The following PDE11A variants were observed in gnomAD, a reference collection of about 807,000 sequenced individuals.
PDE11A encodes dual 3',5'-cyclic-AMP and -GMP phosphodiesterase 11A.
A neutral mutation model predicts 100.5 loss-of-function variants in PDE11A; 100 were observed. The observed-to-expected ratio is 1.00, with a 90% CI of 0.85 to 1.18. The LOEUF is 1.18. Among genes scored for constraint, PDE11A ranks in the 50% most tolerant of loss-of-function variants. PDE11A has a pLI of 0.00. For missense variants in PDE11A, 1,141 were observed against 1,152.6 expected, an observed-to-expected ratio of 0.99 and a Z score of 0.15; for synonymous variants, 381 against 420.8, an observed-to-expected ratio of 0.91 and a Z score of 1.16.
rs1166940596 is a variant in PDE11A, at chr2:177,987,394, T to C, written c.1071+26908A>G. On this transcript the variant is annotated intron_variant, in intron 2 of 19. Coordinates refer to ENST00000286063, the MANE Select transcript of PDE11A (RefSeq NM_016953.4). ...ATAGAACAACTATTAATTGATACCT[T>C]ACACAGTCACTGTTCTGAGGGACGT... Among the ~76,000 whole-genome samples, 3 of 152,368 alleles carry C rather than the reference T, an allele frequency of 2.0e-5. No individual in the cohort carries two copies. In the East Asian group the frequency reaches 5.8e-4, roughly 29 times the overall value.
At chr2:177,767,159 G>A (rs937252393) in intron 10 of PDE11A, among the ~76,000 whole-genome samples, 5 of 152,048 alleles carry the variant, frequency 3.3e-5, no homozygotes, top group Admixed American at 1.3e-4. Context: ...GTGAAACCCC[G>A]TCTCTACTAA....
At chr2:177,789,944 T>C (rs1211081712) in intron 9 of PDE11A, among the ~76,000 whole-genome samples, 9 of 151,128 alleles carry the variant, frequency 6.0e-5, no homozygotes, top group East Asian at 5.9e-4. Flanking sequence ...GAATCAATAT[T>C]GTGAAAATGG....
chr2:178,047,287 C>T (rs2086763224), intron 1 of PDE11A, among the ~76,000 whole-genome samples: 1 of 151,996 alleles, frequency 6.6e-6, no homozygotes. Context: ...CACAGTGAAA[C>T]CCCGTCTTTA....
intron 1 of PDE11A, among the ~76,000 whole-genome samples, chr2:178,034,773 T>C (rs2086589671): frequency 6.6e-6 from 1 of 152,182 alleles, no homozygotes. Flanking sequence ...CCTGAATGAC[T>C]ACTGGGAAAA....
chr2:177,714,606 G>A (rs1412971887), intron 12 of PDE11A, among the ~76,000 whole-genome samples: 1 of 152,144 alleles, frequency 6.6e-6, no homozygotes, highest in East Asian at 1.9e-4. Flanking sequence ...CAGCGGGTGA[G>A]TTTATGGTCA....
At chr2:177,816,719 C>T in intron 9 of PDE11A, 110 bp downstream of exon 9, 1 of 762,886 alleles carries the variant, frequency 1.3e-6, no homozygotes, top group Non-Finnish European at 2.4e-6. Flanking sequence ...ATGATTAAGG[C>T]CCAATGAATA....
At chr2:177,822,626 CAT>C (rs2083158030) in intron 6 of PDE11A, among the ~76,000 whole-genome samples, 1 of 152,078 alleles carries the variant, frequency 6.6e-6, no homozygotes, top group East Asian at 1.9e-4. Flanking sequence ...TATACACATA[CAT>C]ATACATTCCT....
At chr2:177,833,345 T>C (rs1317158846) in intron 6 of PDE11A, among the ~76,000 whole-genome samples, 1 of 152,210 alleles carries the variant, frequency 6.6e-6, no homozygotes, top group Non-Finnish European at 1.5e-5. Context: ...TCCTCAGCTC[T>C]TGAGCACAGC....
At chr2:178,047,487 G>A (rs977164970) in intron 1 of PDE11A, among the ~76,000 whole-genome samples, 2 of 149,262 alleles carry the variant, frequency 1.3e-5, no homozygotes, top group Admixed American at 1.3e-4. Flanking sequence ...AAATCACCCA[G>A]TGGCAGTATC....
chr2:177,820,396 TTAAAGC>T (rs1404494752), intron 6 of PDE11A, 101 bp from the exon 7 acceptor site: 5 of 747,520 alleles, frequency 6.7e-6, no homozygotes, highest in Non-Finnish European at 1.2e-5. Flanking sequence ...AAATAACTTT[TTAAAGC>T]TATTTTATAC....
chr2:177,939,368 T>TGAGGAAGGAAGAAAG (rs1372644458), intron 2 of PDE11A, among the ~76,000 whole-genome samples: 1,607 of 64,734 alleles, frequency 0.025, 28 homozygotes, highest in African/African-American at 0.087. Flanking sequence ...AGGGAGAGAG[T>TGAGGAAGGAAGAAAG]GAGGAAGGGA....
intron 14 of PDE11A, chr2:177,698,526 A>C (rs2105535790): frequency 6.6e-6 from 1 of 152,290 alleles, no homozygotes; most frequent in South Asian, 2.1e-4. Flanking sequence ...TGGAGAAGGA[A>C]TGTGGTGGAA....
chr2:177,834,000 G>C (rs2083350952), intron 6 of PDE11A, among the ~76,000 whole-genome samples: 2 of 152,232 alleles, frequency 1.3e-5, no homozygotes, highest in African/African-American at 2.4e-5. Context: ...CTAATGCAGA[G>C]GAGGAGCCTG....
chr2:177,828,464 A>T (rs935755248), intron 6 of PDE11A, among the ~76,000 whole-genome samples: 1 of 152,228 alleles, frequency 6.6e-6, no homozygotes, highest in African/African-American at 2.4e-5. Context: ...TAGTGATAGA[A>T]GAGAGATGGT....
At chr2:178,060,968 G>A (rs1351110776) in intron 1 of PDE11A, among the ~76,000 whole-genome samples, 1 of 109,494 alleles carries the variant, frequency 9.1e-6, no homozygotes, top group East Asian at 2.8e-4. Context: ...TTTTGAGACA[G>A]AGTCTCACTC....
intron 2 of PDE11A, among the ~76,000 whole-genome samples, chr2:178,085,158 C>A (rs1394376237): frequency 1.3e-5 from 2 of 152,150 alleles, no homozygotes; most frequent in Non-Finnish European, 2.9e-5. Flanking sequence ...GTTACTATAG[C>A]AAGTCAACAT....
chr2:177,985,841 G>A (rs2085932977), intron 2 of PDE11A, among the ~76,000 whole-genome samples: 1 of 152,212 alleles, frequency 6.6e-6, no homozygotes, highest in Admixed American at 6.5e-5. Context: ...CAATGCGCAA[G>A]TGCTTGCATT....
At chr2:177,807,509 C>T (rs2082890116) in intron 9 of PDE11A, among the ~76,000 whole-genome samples, 1 of 152,132 alleles carries the variant, frequency 6.6e-6, no homozygotes, top group African/African-American at 2.4e-5. Context: ...CAGCCTTGAC[C>T]TCCTGGGCTC....
At chr2:177,891,238 C>T (rs1379055014) in intron 4 of PDE11A, among the ~76,000 whole-genome samples, 3 of 152,046 alleles carry the variant, frequency 2.0e-5, no homozygotes, top group South Asian at 2.1e-4. Context: ...TGCAGTGAGC[C>T]GAGATCATGC....
Sources: allele counts gnomAD v4.1 joint callset (sites outside exome capture counted in the v4.1 genomes callset), GRCh38; gene constraint gnomAD v4.1.1; transcripts MANE v1.5; gene names NCBI Gene and HGNC (gene_info 2026-07-23, HGNC 2026-07-21).